FAM199X: variants seen among roughly 807,000 people sequenced by gnomAD.
FAM199X encodes the protein family with sequence similarity 199, X-linked.
Under a neutral mutation model 22.9 loss-of-function variants are expected in FAM199X, and 4 were observed. The observed-to-expected ratio is 0.17, with a 90% CI of 0.09 to 0.40. The LOEUF (loss-of-function observed/expected upper bound fraction) is 0.40. FAM199X is among the 10% of genes least tolerant of loss of function. The probability of loss-of-function intolerance (pLI) is 1.00; values close to 1 mark genes in which losing one functional copy is unlikely to be tolerated. For missense variants in FAM199X, 183 were observed against 306.8 expected, an observed-to-expected ratio of 0.60 and a Z score of 3.01; for synonymous variants, 101 against 112.3, an observed-to-expected ratio of 0.90 and a Z score of 0.64.
chrX:104,188,615 A>G (rs1279746379), intron 5 of FAM199X, among the ~76,000 whole-genome samples: 1 of 112,343 alleles, frequency 8.9e-6, no homozygotes, highest in East Asian at 2.8e-4. Flanking sequence ...CTCACTACTG[A>G]GCGAATCTCA....
chrX:104,172,374 G>A (rs1431030121), intron 1 of FAM199X, among the ~76,000 whole-genome samples: 2 of 107,317 alleles, frequency 1.9e-5, no homozygotes, highest in East Asian at 5.8e-4. Context: ...AGCCATGGTC[G>A]CACCACTGCA....
intron 5 of FAM199X, among the ~76,000 whole-genome samples, chrX:104,188,893 A>G (rs1379043568): frequency 5.4e-5 from 6 of 111,535 alleles, no homozygotes; most frequent in African/African-American, 2.0e-4. Context: ...TTGCAATGGC[A>G]AGAATCTGGA....
chrX:104,157,341 A>T, the FAM199X span, among the ~76,000 whole-genome samples: 1 of 110,817 alleles, frequency 9.0e-6, no homozygotes, highest in South Asian at 3.8e-4. Flanking sequence ...TTCACCTTGA[A>T]CCTGTGCCCT....
In FAM199X at chrX:104,166,845, C is replaced by G. The variant is rs1556374037; in HGVS notation, c.60C>G (p.Pro20=). The change falls in exon 1 of 6, where the codon CCC becomes CCG. Residue 20 remains proline, a synonymous_variant. Transcript: ENST00000493442. ...SYEKFLTPEE[P]FPLLGPPRGV... is the part of the protein sequence containing the mutation. ...AGAAGTTTCTAACCCCCGAGGAGCC[C>G]TTCCCACTCCTGGGACCTCCTCGCG... 8.3e-7 allele frequency: 1 copy of G among 1,209,074 alleles called. No homozygotes were observed. The highest frequency in any genetic ancestry group is 1.8e-5 in the South Asian group (1 of 56,723).
rs187968052 is a variant in FAM199X, at chrX:104,195,042, C to G, written c.*5264C>G. 1.0e-4 allele frequency: 11 copies of G among 110,355 alleles called. No homozygotes were observed. Among genetic ancestry groups the G allele is most frequent in the Admixed American group, 7.8e-4 (8 of 10,203 alleles). 9.1% of individuals were successfully genotyped at this position (110,355 alleles called of 1,213,427 possible). On this transcript the variant is annotated 3_prime_UTR_variant, in exon 6 of 6. Coordinates refer to ENST00000493442, the MANE Select transcript of FAM199X (RefSeq NM_207318.4). Reference sequence around the variant, plus strand: ...ACAATAGTTGTATCATAAGTCGTTTCTATTTTGAGTTCCTTCTTGTACTTG... The same window carrying G: ...ACAATAGTTGTATCATAAGTCGTTTGTATTTTGAGTTCCTTCTTGTACTTG...
rs1556376273 is a variant in FAM199X, at chrX:104,175,743, C to T, written c.318C>T (p.Phe106=). ...DCYSLLDDQD[F]TSFDLFPEGS... ...ATTCCCTGTTAGATGATCAGGACTTCACTTCTTTTGATTTATTTCCTGAGG... is the reference window on the plus strand; with the variant it reads ...ATTCCCTGTTAGATGATCAGGACTTTACTTCTTTTGATTTATTTCCTGAGG... The change falls in exon 2 of 6, where the codon TTC becomes TTT. Residue 106 remains phenylalanine (F), a synonymous_variant. Coordinates refer to ENST00000493442, the MANE Select transcript of FAM199X (RefSeq NM_207318.4). The T allele has an allele frequency of 8.3e-7, 1 of 1,210,398 alleles. No individual in the cohort carries two copies. The highest frequency in any genetic ancestry group is 2.2e-5 in the Admixed American group (1 of 46,000).
intron 1 of FAM199X, among the ~76,000 whole-genome samples, chrX:104,171,202 A>C (rs1320137054): frequency 9.0e-6 from 1 of 111,376 alleles, no homozygotes; most frequent in African/African-American, 3.3e-5. Context: ...AATACCATTG[A>C]AAGTCCTTAG....
At chrX:104,172,918 G>T (rs570356351) in intron 1 of FAM199X, among the ~76,000 whole-genome samples, 53 of 111,841 alleles carry the variant, frequency 4.7e-4, no homozygotes, top group African/African-American at 1.7e-3. Context: ...AGACACAAGA[G>T]AAAAATAGTT....
intron 1 of FAM199X, among the ~76,000 whole-genome samples, chrX:104,170,209 C>T (rs1030701338): frequency 4.5e-5 from 5 of 111,740 alleles, no homozygotes; most frequent in African/African-American, 6.5e-5. Context: ...TTTAGAGCTC[C>T]GTTTTCAATC....
At chrX:104,167,886 T>C (rs1358799313) in intron 1 of FAM199X, among the ~76,000 whole-genome samples, 1 of 102,372 alleles carries the variant, frequency 9.8e-6, no homozygotes, top group Non-Finnish European at 2.0e-5. Context: ...GAGATACATA[T>C]ACAAAGGGCT....
chrX:104,187,742 T>C (rs1441274680), intron 4 of FAM199X, among the ~76,000 whole-genome samples: 1 of 112,109 alleles, frequency 8.9e-6, no homozygotes, highest in African/African-American at 3.2e-5. Flanking sequence ...TATTGTTAGT[T>C]TGTATTTTGA....
At chrX:104,178,227 C>T (rs1332982883) in intron 2 of FAM199X, among the ~76,000 whole-genome samples, 7 of 110,544 alleles carry the variant, frequency 6.3e-5, no homozygotes, top group South Asian at 3.9e-4. Flanking sequence ...AGTGCAGTGA[C>T]GCAATCTCAG....
intron 2 of FAM199X, among the ~76,000 whole-genome samples, chrX:104,183,274 G>A (rs1204927365): frequency 9.2e-6 from 1 of 108,631 alleles, no homozygotes; most frequent in African/African-American, 3.4e-5. Context: ...AGGGGCCACA[G>A]GGAGATTTCT....
rs782744884 is a variant in FAM199X, at chrX:104,190,030, G to GT, written c.*259dup. The GT allele has an allele frequency of 8.7e-5, 28 of 321,902 alleles. No homozygotes were observed. In the East Asian group the frequency reaches 1.4e-3, roughly 16 times the overall value. The allele number at this position is 321,902 out of a possible 1,213,427, so 26.5% of individuals were successfully genotyped here. Reference sequence around the variant, plus strand: ...AACCAACAGGGAGGCGCCTAGCATTGTTTTTTTAACAAGTGCTGGGTTATT... The same window carrying GT: ...AACCAACAGGGAGGCGCCTAGCATTGTTTTTTTTAACAAGTGCTGGGTTATT... On this transcript the variant is annotated 3_prime_UTR_variant, in exon 6 of 6. Transcript: ENST00000493442.
intron 1 of FAM199X, among the ~76,000 whole-genome samples, chrX:104,172,445 A>C (rs1274586399): frequency 9.1e-6 from 1 of 110,015 alleles, no homozygotes; most frequent in Non-Finnish European, 1.9e-5. Flanking sequence ...AGATATAAAA[A>C]ATGTTACAAT....
intron 5 of FAM199X, 37 bp downstream of exon 5, chrX:104,188,343 A>G: frequency 3.4e-6 from 4 of 1,183,576 alleles, no homozygotes; most frequent in Non-Finnish European, 4.6e-6. Flanking sequence ...TTACCTTTCA[A>G]TATTAACATT....
At chrX:104,171,736 T>C (rs1921358303) in intron 1 of FAM199X, among the ~76,000 whole-genome samples, 1 of 112,327 alleles carries the variant, frequency 8.9e-6, no homozygotes, top group Admixed American at 9.4e-5. Flanking sequence ...TGTTTTCCTT[T>C]TGAATAATCT....
At position 104,189,821 on chromosome X, in the gene FAM199X, T is replaced by G. The variant is rs367786394; in HGVS notation, c.*43T>G. The G allele has an allele frequency of 1.7e-6, 2 of 1,184,223 alleles. No individual in the cohort carries two copies. Among genetic ancestry groups the G allele is most frequent in the Non-Finnish European group, 2.3e-6 (2 of 877,699 alleles). ...ACGTTCTTTGTGAGCATTAAAATAC[T>G]CCATCCTTATGGGTTTACATGCATC... On this transcript the variant is annotated 3_prime_UTR_variant, in exon 6 of 6. Transcript: ENST00000493442.
rs1429682035 is a variant in FAM199X, at chrX:104,193,908, C to T, written c.*4130C>T. ...ATCCGGAACATAACTACTTATAATGCTTAGGTCTTATTTCTTTGGAAAATA... is the reference window on the plus strand; with the variant it reads ...ATCCGGAACATAACTACTTATAATGTTTAGGTCTTATTTCTTTGGAAAATA... On this transcript the variant is annotated 3_prime_UTR_variant, in exon 6 of 6. Transcript: ENST00000493442. 7 of 111,348 alleles carry T rather than the reference C, an allele frequency of 6.3e-5. No homozygotes were observed. The highest frequency in any genetic ancestry group is 1.9e-4 in the African/African-American group (6 of 30,819). The allele number at this position is 111,348 out of a possible 1,213,427, so 9.2% of individuals were successfully genotyped here. A position where few individuals can be genotyped will look rare whatever the true frequency, so the allele number is the denominator to read the frequency against.
Sources: allele counts gnomAD v4.1 joint callset (sites outside exome capture counted in the v4.1 genomes callset), GRCh38; gene constraint gnomAD v4.1.1; transcripts MANE v1.5; gene names NCBI Gene and HGNC (gene_info 2026-07-23, HGNC 2026-07-21).